STXBP4: variants seen among roughly 807,000 people sequenced by gnomAD.
The protein encoded by STXBP4 is syntaxin binding protein 4, also known as syntaxin-binding protein 4.
STXBP4 carries 55 observed loss-of-function variants against 76.1 expected under a neutral mutation model. The observed-to-expected ratio is 0.72, with a 90% confidence interval of 0.58 to 0.91. The LOEUF (loss-of-function observed/expected upper bound fraction) is 0.91. Among genes scored for constraint, STXBP4 ranks in the 40% least tolerant of loss-of-function variants. The pLI, the probability that STXBP4 is intolerant of heterozygous loss-of-function variation, is 0.00. For synonymous variants in STXBP4, 201 were observed against 220.2 expected (o/e 0.91, Z 0.77); for missense variants, 618 against 636.9 (o/e 0.97, Z 0.32).
chr17:54,978,879 T>G (rs2077509171), intron 1 of STXBP4, among the ~76,000 whole-genome samples: 1 of 152,350 alleles, frequency 6.6e-6, no homozygotes, highest in African/African-American at 2.4e-5. Context: ...CTACACATTC[T>G]GTTTTTACCT....
chr17:55,061,676 T>C (rs1015695552), intron 12 of STXBP4, among the ~76,000 whole-genome samples: 1 of 152,184 alleles, frequency 6.6e-6, no homozygotes. Flanking sequence ...CACTAATCTG[T>C]TCTATATCTC....
chr17:55,046,374 A>G (rs895474861), intron 11 of STXBP4, among the ~76,000 whole-genome samples: 4 of 152,058 alleles, frequency 2.6e-5, no homozygotes, highest in East Asian at 3.9e-4. Flanking sequence ...ACATTGTAAT[A>G]TTGCCATGAA....
chr17:55,017,584 G>C (rs1017569190), intron 8 of STXBP4, among the ~76,000 whole-genome samples: 1 of 152,212 alleles, frequency 6.6e-6, no homozygotes, highest in African/African-American at 2.4e-5. Flanking sequence ...AGAAAGTCGT[G>C]GTCGGGACCC....
At chr17:55,016,320 C>T (rs1415591128) in intron 8 of STXBP4, among the ~76,000 whole-genome samples, 1 of 152,136 alleles carries the variant, frequency 6.6e-6, no homozygotes, top group African/African-American at 2.4e-5. Context: ...TAGTCCTTTA[C>T]CAGTGTGCCC....
At chr17:55,196,547 C>G in the STXBP4 span, among the ~76,000 whole-genome samples, 2,694 of 152,230 alleles carry the variant, frequency 0.018, 80 homozygotes, top group African/African-American at 0.062. Context: ...GAGAATTGAT[C>G]ACGTATTCTT....
At chr17:55,098,547 G>A (rs1788885727) in intron 16 of STXBP4, among the ~76,000 whole-genome samples, 1 of 152,132 alleles carries the variant, frequency 6.6e-6, no homozygotes, top group African/African-American at 2.4e-5. Context: ...AAGCCATATA[G>A]CTCTCTGAAG....
intron 16 of STXBP4, among the ~76,000 whole-genome samples, chr17:55,098,078 A>T (rs1315219369): frequency 6.6e-6 from 1 of 152,176 alleles, no homozygotes; most frequent in Non-Finnish European, 1.5e-5. Flanking sequence ...TTACAGCCTT[A>T]AACCATTCTC....
Position 55,040,133 on chromosome 17 carries a change from A to G in STXBP4, c.856-3103A>G, listed in dbSNP as rs528695384. Among the ~76,000 whole-genome samples the G allele has an allele frequency of 1.6e-3, 237 of 152,318 alleles. 1 individual carries two copies. Among genetic ancestry groups the G allele is most frequent in the African/African-American group, 5.5e-3 (227 of 41,576 alleles). On this transcript the variant is annotated intron_variant, in intron 10 of 17. Coordinates refer to ENST00000376352, the MANE Select transcript of STXBP4 (RefSeq NM_178509.6). The stretch of plus-strand genomic sequence containing the variant: ...GCAGAAGGGTAGGTGAGATATTAGA[A>G]TATCACAATCTAAAGAAGATAAAAT...
intron 16 of STXBP4, among the ~76,000 whole-genome samples, chr17:55,116,724 A>T (rs244355): frequency 0.63 from 94,856 of 151,490 alleles, 30,374 homozygotes; most frequent in African/African-American, 0.75. Flanking sequence ...AAGTTTTGTT[A>T]AAACACGATT....
chr17:55,136,347 A>G (rs2080028487), intron 16 of STXBP4, among the ~76,000 whole-genome samples: 1 of 152,126 alleles, frequency 6.6e-6, no homozygotes, highest in South Asian at 2.1e-4. Flanking sequence ...AGTATGTTTG[A>G]GCTGGCTTCT....
chr17:55,191,019 T>C, the STXBP4 span, among the ~76,000 whole-genome samples: 1 of 152,174 alleles, frequency 6.6e-6, no homozygotes, highest in African/African-American at 2.4e-5. Flanking sequence ...ACTGAGCAAC[T>C]GGAGAGCTTC....
At chr17:55,008,042 A>G (rs1416998782) in intron 8 of STXBP4, among the ~76,000 whole-genome samples, 1 of 152,202 alleles carries the variant, frequency 6.6e-6, no homozygotes. Context: ...AAATATAGAA[A>G]GATGGTGGCA....
intron 16 of STXBP4, among the ~76,000 whole-genome samples, chr17:55,132,621 C>CT (rs1441623484): frequency 6.6e-6 from 1 of 152,118 alleles, no homozygotes; most frequent in Non-Finnish European, 1.5e-5. Flanking sequence ...AATTCAGCAA[C>CT]TAAGAACCTA....
At position 55,070,394 on chromosome 17, in the gene STXBP4, A is replaced by T. The variant is rs149469202; in HGVS notation, c.1012-2506A>T. 5.0e-3 allele frequency among the ~76,000 whole-genome samples: 759 copies of T among 152,278 alleles called. 27 individuals carry two copies. Among genetic ancestry groups the T allele is most frequent in the Non-Finnish European group, 6.3e-4 (43 of 68,022 alleles). Reference sequence around the variant, plus strand: ...AGCTGTGTCACTAGAGACTCTCTTGATCATCTGAATGAAATTGACTGGTGT... The same window carrying T: ...AGCTGTGTCACTAGAGACTCTCTTGTTCATCTGAATGAAATTGACTGGTGT... On this transcript the variant is annotated intron_variant, in intron 12 of 17. Coordinates refer to ENST00000376352, the MANE Select transcript of STXBP4 (RefSeq NM_178509.6).
chr17:55,006,710 G>C (rs1293433837), intron 7 of STXBP4, among the ~76,000 whole-genome samples: 1 of 152,132 alleles, frequency 6.6e-6, no homozygotes, highest in Non-Finnish European at 1.5e-5. Flanking sequence ...AATGTAACCT[G>C]TCTTTAAAAT....
rs542606257 is a variant in STXBP4, at chr17:54,982,281, C to T, written c.-156-3333C>T. ...CTAAGTCTTACTCAAACACCATATG[C>T]GTTATGGACAGATTTTTTTAATCTG... On this transcript the variant is annotated intron_variant, in intron 1 of 17. Coordinates refer to ENST00000376352, the MANE Select transcript of STXBP4 (RefSeq NM_178509.6). 2.6e-5 allele frequency among the ~76,000 whole-genome samples: 4 copies of T among 152,084 alleles called. No individual in the cohort carries two copies. The South Asian group carries it at 8.3e-4, about 32-fold the overall frequency.
At chr17:55,067,707 TAAAG>T (rs1372250507) in intron 12 of STXBP4, among the ~76,000 whole-genome samples, 2 of 152,018 alleles carry the variant, frequency 1.3e-5, no homozygotes, top group East Asian at 3.9e-4. Context: ...CAGAATACAA[TAAAG>T]AACACAGTAG....
At position 55,078,699 on chromosome 17, in the gene STXBP4, T is replaced by C; in HGVS notation, c.1319T>C (p.Val440Ala). Residue 440 changes from valine (V) to alanine (A), a missense_variant, in exon 15 of 18, where the codon GTA (valine) becomes GCA (alanine). Transcript: ENST00000376352. The part of the protein sequence containing the change: ...LLHFVEAIQE[V>A]FSDNSTPLSN... ...GTTTGTTGCTAGGCTATTCAAGAAG[T>C]ATTTTCTGATAATTCTACTCCTTTA... The C allele has an allele frequency of 6.4e-7, 1 of 1,567,714 alleles. No homozygotes were observed. Among genetic ancestry groups the C allele is most frequent in the Non-Finnish European group, 8.8e-7 (1 of 1,139,604 alleles).
rs1474872778 is a variant in STXBP4 at position 55,172,005 on chromosome 17, C to T, written c.*12094C>T. ...TGTCATTACCCTGAGTGACTGGTCC[C>T]ACTGTTGGTCATTCTTTGTAGATGT... On this transcript the variant is annotated 3_prime_UTR_variant, in exon 18 of 18. Transcript: ENST00000376352. 2.0e-5 allele frequency: 3 copies of T among 152,204 alleles called. No individual in the cohort carries two copies. The East Asian group carries it at 5.8e-4, about 29-fold the overall frequency. 9.4% of individuals were successfully genotyped at this position (152,204 alleles called of 1,614,324 possible).
Sources: gnomAD v4.1 joint callset for allele counts (sites outside exome capture counted in the v4.1 genomes callset) on GRCh38, gnomAD v4.1.1 for gene constraint, MANE v1.5 for transcripts, NCBI Gene and HGNC (gene_info 2026-07-23, HGNC 2026-07-21) for gene names.